CCDC6: variants seen among roughly 807,000 people sequenced by gnomAD.
The protein encoded by CCDC6 is coiled-coil domain containing 6.
Under a neutral mutation model 56.6 loss-of-function variants are expected in CCDC6, and 20 were observed. The ratio of observed to expected loss-of-function variants is 0.35; its 90% confidence interval spans 0.25 to 0.51. The LOEUF (loss-of-function observed/expected upper bound fraction) is 0.51. CCDC6 is among the 20% of genes least tolerant of loss of function. The pLI is 0.95. For synonymous variants in CCDC6, 241 were observed against 234.4 expected (o/e 1.03, Z -0.26); for missense variants, 367 against 601.1 (o/e 0.61, Z 4.07).
At chr10:59,856,456 T>A (rs185350337) in intron 1 of CCDC6, among the ~76,000 whole-genome samples, 266 of 152,330 alleles carry the variant, frequency 1.7e-3, no homozygotes, top group African/African-American at 6.3e-3. Context: ...TCCATTTGAC[T>A]TCTCCCTGCA....
At chr10:59,807,104 A>T (rs776457692) in intron 5 of CCDC6, 26 bp from the exon 6 acceptor site, 1 of 1,608,584 alleles carries the variant, frequency 6.2e-7, no homozygotes, top group Non-Finnish European at 8.5e-7. Context: ...TTTCAATTAA[A>T]CCATGTTTCA....
chr10:59,851,736 G>A (rs949399180), intron 2 of CCDC6, among the ~76,000 whole-genome samples: 10 of 152,004 alleles, frequency 6.6e-5, no homozygotes, highest in Non-Finnish European at 1.3e-4. Flanking sequence ...AACATATGGG[G>A]GTGTTTCACA....
intron 7 of CCDC6, among the ~76,000 whole-genome samples, chr10:59,802,006 G>A (rs555494349): frequency 3.3e-5 from 5 of 152,190 alleles, no homozygotes; most frequent in Middle Eastern, 3.4e-3. Context: ...TGTCTGTGGG[G>A]TACGTTCATT....
intron 3 of CCDC6, among the ~76,000 whole-genome samples, chr10:59,826,280 C>T (rs2070787110): frequency 6.6e-6 from 1 of 152,214 alleles, no homozygotes; most frequent in African/African-American, 2.4e-5. Context: ...TTTTTCTGTT[C>T]TTGGCATCTT....
chr10:59,867,664 C>T (rs972993689), intron 1 of CCDC6, among the ~76,000 whole-genome samples: 8 of 152,286 alleles, frequency 5.3e-5, no homozygotes, highest in African/African-American at 1.9e-4. Context: ...AGTAATTTTC[C>T]CACCTCCGCC....
intron 5 of CCDC6, 28 bp from the exon 6 acceptor site, chr10:59,807,106 C>T (rs1564738626): frequency 1.2e-6 from 2 of 1,605,782 alleles, no homozygotes; most frequent in Non-Finnish European, 1.7e-6. Flanking sequence ...TCAATTAAAC[C>T]ATGTTTCATG....
chr10:59,794,511 G>A lies in CCDC6; in HGVS notation c.1192C>T (p.Leu398Phe), dbSNP rs2070496647. ...GATGTTCCCATGTGCTGCACGTGAAGACCCGGGGAATTGTAATAAGACATT... is the reference window on the plus strand; with the variant it reads ...GATGTTCCCATGTGCTGCACGTGAAAACCCGGGGAATTGTAATAAGACATT... ...AGMSYYNSPGLHVQHMGTSHG... is the reference protein window; with the variant it reads ...AGMSYYNSPGFHVQHMGTSHG... The change falls in exon 8 of 9, where the codon CTT (leucine) becomes TTT (phenylalanine). Residue 398 changes from leucine (L) to phenylalanine (F), a missense_variant. Physicochemically the swap from Leu to Phe is conservative, Grantham distance 22. Transcript: ENST00000263102. The A allele has an allele frequency of 6.2e-7, 1 of 1,614,134 alleles. No individual in the cohort carries two copies. The highest frequency in any genetic ancestry group is 2.2e-5 in the East Asian group (1 of 44,876).
chr10:59,842,940 A>G (rs940996263), intron 2 of CCDC6, among the ~76,000 whole-genome samples: 5 of 151,962 alleles, frequency 3.3e-5, no homozygotes, highest in African/African-American at 1.2e-4. Context: ...TTTTTAGTAG[A>G]GACGGGGTTT....
chr10:59,861,613 A>G (rs1322319202), intron 1 of CCDC6, among the ~76,000 whole-genome samples: 3 of 152,218 alleles, frequency 2.0e-5, no homozygotes, highest in African/African-American at 7.2e-5. Flanking sequence ...CATATGGGAA[A>G]TTTCACTGAG....
intron 7 of CCDC6, among the ~76,000 whole-genome samples, chr10:59,797,542 C>A: frequency 8.9e-6 from 1 of 112,760 alleles, no homozygotes. Context: ...AACAATTGAC[C>A]AAACTGGAGA....
At position 59,844,249 on chromosome 10, in the gene CCDC6, C is replaced by T. The variant is rs7093872; in HGVS notation, c.453+8304G>A. On this transcript the variant is annotated intron_variant, in intron 2 of 8. Coordinates refer to ENST00000263102, the MANE Select transcript of CCDC6 (RefSeq NM_005436.5). ...TGTTATTTTGATTCCTTGTTAGCAA[C>T]ACTGAGGACCAGAGTCAGGCCCTCA... Among the ~76,000 whole-genome samples the T allele has an allele frequency of 1.1e-3, 172 of 152,156 alleles. 1 individual carries two copies. Among genetic ancestry groups the T allele is most frequent in the African/African-American group, 4.1e-3 (169 of 41,510 alleles).
At chr10:59,843,301 C>G (rs1288451499) in intron 2 of CCDC6, among the ~76,000 whole-genome samples, 1 of 152,218 alleles carries the variant, frequency 6.6e-6, no homozygotes, top group East Asian at 1.9e-4. Context: ...CTTTACGGGA[C>G]AGAAGACAGT....
intron 8 of CCDC6, among the ~76,000 whole-genome samples, chr10:59,793,582 G>A (rs1343494100): frequency 2.0e-5 from 3 of 152,086 alleles, no homozygotes; most frequent in South Asian, 2.1e-4. Context: ...CCAGGAGTTC[G>A]AGACCAGCCT....
At chr10:59,897,871 G>C (rs1016514019) in intron 1 of CCDC6, among the ~76,000 whole-genome samples, 10 of 152,104 alleles carry the variant, frequency 6.6e-5, no homozygotes, top group African/African-American at 2.4e-4. Context: ...CTTATGCCTG[G>C]CTGAACATCC....
intron 1 of CCDC6, among the ~76,000 whole-genome samples, chr10:59,885,670 A>AT (rs906812256): frequency 6.6e-6 from 1 of 151,908 alleles, no homozygotes; most frequent in Non-Finnish European, 1.5e-5. Flanking sequence ...CGCTTTCAGG[A>AT]TTTTTTGCAT....
intron 5 of CCDC6, among the ~76,000 whole-genome samples, chr10:59,810,680 TTATATA>T (rs530035041): frequency 6.6e-6 from 1 of 152,168 alleles, no homozygotes; most frequent in South Asian, 2.1e-4. Context: ...TCAGGATTAC[TTATATA>T]TATATTTTTT....
chr10:59,898,556 T>G (rs934233954), intron 1 of CCDC6, among the ~76,000 whole-genome samples: 10 of 152,362 alleles, frequency 6.6e-5, no homozygotes, highest in African/African-American at 2.4e-4. Flanking sequence ...CCTTCTGCAC[T>G]GCACAATCCC....
At chr10:59,804,358 C>G in intron 7 of CCDC6, 62 bp downstream of exon 7, 1 of 924,806 alleles carries the variant, frequency 1.1e-6, no homozygotes, top group Non-Finnish European at 1.8e-6. Flanking sequence ...GGAACACAGT[C>G]AGGGTTGCCT....
intron 2 of CCDC6, among the ~76,000 whole-genome samples, chr10:59,848,916 T>A (rs905855785): frequency 6.6e-6 from 1 of 152,194 alleles, no homozygotes; most frequent in African/African-American, 2.4e-5. Context: ...GGTCTCGCCA[T>A]GTTGGCCAGG....
Sources: gnomAD v4.1 joint callset for allele counts (sites outside exome capture counted in the v4.1 genomes callset) on GRCh38, gnomAD v4.1.1 for gene constraint, MANE v1.5 for transcripts, NCBI Gene and HGNC (gene_info 2026-07-23, HGNC 2026-07-21) for gene names.